The following THRB variants were observed in gnomAD, a reference collection of about 807,000 sequenced individuals.
The protein encoded by THRB is nuclear receptor subfamily 1 group A member 2.
Under a neutral mutation model 47.8 loss-of-function variants are expected in THRB, and 12 were observed. That is an observed-to-expected ratio of 0.25 (90% CI 0.16 to 0.41). The LOEUF (loss-of-function observed/expected upper bound fraction) is 0.41, where lower values mean the gene tolerates loss of function less well. Ranked by LOEUF, THRB falls within the 10% of genes least tolerant of loss-of-function variation. The pLI is 1.00. For synonymous variants in THRB, 218 were observed against 212.2 expected, an observed-to-expected ratio of 1.03 and a Z score of -0.24; for missense variants, 348 against 589.2, an observed-to-expected ratio of 0.59 and a Z score of 4.24.
chr3:24,247,651 C>A (rs1265474187), intron 3 of THRB, among the ~76,000 whole-genome samples: 1 of 152,112 alleles, frequency 6.6e-6, no homozygotes, highest in Non-Finnish European at 1.5e-5. Context: ...CTCATTTTAT[C>A]ATCTCTTTTA....
At position 24,221,594 on chromosome 3, in the gene THRB, G is replaced by C. The variant is rs565074527; in HGVS notation, c.22+7344C>G. On this transcript the variant is annotated intron_variant, in intron 4 of 10. Coordinates refer to ENST00000646209, the MANE Select transcript of THRB (RefSeq NM_001354712.2). ...ATGAGAAGAAGCCAGCTTTGTAAAG[G>C]GTGCCTTCTGTAAAGGGTGACTTCT... is the stretch of plus-strand genomic sequence containing the variant. 5.9e-5 allele frequency among the ~76,000 whole-genome samples: 9 copies of C among 152,218 alleles called. No homozygotes were observed. In the South Asian group the frequency reaches 1.7e-3, roughly 28 times the overall value.
chr3:24,359,178 A>C (rs2063899843), intron 1 of THRB, among the ~76,000 whole-genome samples: 1 of 152,106 alleles, frequency 6.6e-6, no homozygotes, highest in East Asian at 1.9e-4. Context: ...GTGTTAATTA[A>C]GGATACTCAG....
chr3:24,165,388 TAC>T (rs747504442), intron 5 of THRB: 13 of 739,314 alleles, frequency 1.8e-5, no homozygotes, highest in African/African-American at 1.5e-4. Context: ...AGTTTACATA[TAC>T]ACACAGTCTA....
intron 3 of THRB, among the ~76,000 whole-genome samples, chr3:24,238,761 G>T (rs762667391): frequency 6.6e-6 from 1 of 152,092 alleles, no homozygotes; most frequent in Non-Finnish European, 1.5e-5. Context: ...CCTAAATGGA[G>T]TGTTATGAAG....
intron 4 of THRB, among the ~76,000 whole-genome samples, chr3:24,191,359 G>GA (rs1203944133): frequency 1.3e-5 from 2 of 150,994 alleles, no homozygotes; most frequent in Non-Finnish European, 2.9e-5. Context: ...GTCAAAATTA[G>GA]AAAAAATATA....
intron 1 of THRB, among the ~76,000 whole-genome samples, chr3:24,363,417 G>C (rs1218663388): frequency 3.9e-5 from 6 of 152,120 alleles, no homozygotes; most frequent in Non-Finnish European, 8.8e-5. Flanking sequence ...CAGGGTGCCT[G>C]AGCTAGCTAA....
At chr3:24,145,346 C>T in intron 7 of THRB, among the ~76,000 whole-genome samples, 1 of 152,100 alleles carries the variant, frequency 6.6e-6, no homozygotes, top group East Asian at 1.9e-4. Flanking sequence ...GAATCCCTCA[C>T]AAGCAAGTAA....
chr3:24,171,205 T>C (rs2040388006), intron 5 of THRB, among the ~76,000 whole-genome samples: 1 of 152,220 alleles, frequency 6.6e-6, no homozygotes, highest in Admixed American at 6.5e-5. Context: ...AAAGCACATC[T>C]AATACATTTT....
At chr3:24,410,995 T>C (rs1339912742) in intron 1 of THRB, among the ~76,000 whole-genome samples, 3 of 151,816 alleles carry the variant, frequency 2.0e-5, no homozygotes, top group African/African-American at 7.2e-5. Flanking sequence ...TAAATGGTCC[T>C]GGGAGTGCTG....
chr3:24,230,678 C>T (rs1018547874), intron 3 of THRB, among the ~76,000 whole-genome samples: 1 of 152,154 alleles, frequency 6.6e-6, no homozygotes, highest in Admixed American at 6.5e-5. Flanking sequence ...TTAACCACCC[C>T]CTCTGAACCC....
chr3:24,150,927 T>C (rs1201150696), intron 6 of THRB, among the ~76,000 whole-genome samples: 2 of 152,216 alleles, frequency 1.3e-5, no homozygotes, highest in Non-Finnish European at 1.5e-5. Flanking sequence ...TATGTAGTTT[T>C]ATTACTTTCA....
chr3:24,410,576 T>C (rs1010879357), intron 1 of THRB, among the ~76,000 whole-genome samples: 4 of 151,810 alleles, frequency 2.6e-5, no homozygotes, highest in Non-Finnish European at 5.9e-5. Context: ...ATTTCAACAC[T>C]TATACAAGTC....
At chr3:24,333,128 C>A (rs1022198016) in intron 2 of THRB, among the ~76,000 whole-genome samples, 1 of 151,960 alleles carries the variant, frequency 6.6e-6, no homozygotes, top group African/African-American at 2.4e-5. Flanking sequence ...AACAAAAAAA[C>A]CTGAAACCCG....
chr3:24,267,914 G>A (rs562780443), intron 3 of THRB, among the ~76,000 whole-genome samples: 3 of 152,184 alleles, frequency 2.0e-5, no homozygotes, highest in Admixed American at 6.5e-5. Context: ...ACATCATTGA[G>A]TAACATTTCT....
intron 10 of THRB, among the ~76,000 whole-genome samples, chr3:24,125,762 G>C (rs1321586498): frequency 6.6e-6 from 1 of 152,154 alleles, no homozygotes; most frequent in Admixed American, 6.5e-5. Flanking sequence ...AGAGTCCCTA[G>C]AGCAAGTCTG....
At chr3:24,188,626 T>C (rs1236393369) in intron 5 of THRB, among the ~76,000 whole-genome samples, 2 of 152,090 alleles carry the variant, frequency 1.3e-5, no homozygotes, top group Non-Finnish European at 2.9e-5. Flanking sequence ...GAGTTTTCTG[T>C]TGGCGTTTCA....
chr3:24,232,457 T>C (rs1576153643), intron 3 of THRB, among the ~76,000 whole-genome samples: 1 of 152,180 alleles, frequency 6.6e-6, no homozygotes, highest in East Asian at 1.9e-4. Flanking sequence ...TACTTGGGCT[T>C]ATTTGGGGAG....
chr3:24,289,487 T>C (rs1305612959), intron 3 of THRB, among the ~76,000 whole-genome samples: 1 of 152,158 alleles, frequency 6.6e-6, no homozygotes, highest in Non-Finnish European at 1.5e-5. Context: ...TTCATCAGTG[T>C]CTACTCATCC....
chr3:24,220,791 G>C (rs374147671), intron 4 of THRB, among the ~76,000 whole-genome samples: 1 of 119,960 alleles, frequency 8.3e-6, no homozygotes, highest in Non-Finnish European at 1.6e-5. Flanking sequence ...TTCAGTCAAG[G>C]TTAAACAAAA....
Sources: gnomAD v4.1 joint callset for allele counts (sites outside exome capture counted in the v4.1 genomes callset) on GRCh38, gnomAD v4.1.1 for gene constraint, MANE v1.5 for transcripts, NCBI Gene and HGNC (gene_info 2026-07-23, HGNC 2026-07-21) for gene names.